RPS6KC1: variants seen among roughly 807,000 people sequenced by gnomAD.
The protein encoded by RPS6KC1 is ribosomal protein S6 kinase C1, also known as inactive ribosomal protein S6 kinase delta-1.
In RPS6KC1, 54 loss-of-function variants were observed where a neutral mutation model predicts 103.8. That is an observed-to-expected ratio of 0.52 (90% CI 0.42 to 0.65). The LOEUF (loss-of-function observed/expected upper bound fraction) is 0.65. RPS6KC1 is among the 30% of genes least tolerant of loss of function. The probability of loss-of-function intolerance (pLI) is 0.00; values close to 1 mark genes in which losing one functional copy is unlikely to be tolerated. For synonymous variants in RPS6KC1, 439 were observed against 438.7 expected (o/e 1.00, Z -0.01); for missense variants, 1,151 against 1,253.8 (o/e 0.92, Z 1.24).
At chr1:213,754,250 C>T in the RPS6KC1 span, among the ~76,000 whole-genome samples, 8 of 152,354 alleles carry the variant, frequency 5.3e-5, no homozygotes, top group South Asian at 2.1e-4. Context: ...CTTCTCTCTA[C>T]GTCCTCACAG....
the RPS6KC1 span, among the ~76,000 whole-genome samples, chr1:213,695,676 T>A: frequency 2.0e-5 from 3 of 152,266 alleles, no homozygotes; most frequent in Non-Finnish European, 2.9e-5. Flanking sequence ...TTCAATAGGC[T>A]AGACTTCCCT....
chr1:213,565,442 ACTC>A, the RPS6KC1 span, among the ~76,000 whole-genome samples: 3 of 152,204 alleles, frequency 2.0e-5, no homozygotes, highest in African/African-American at 7.2e-5. Flanking sequence ...AAAGGGATGA[ACTC>A]CTGGTACGTG....
At chr1:213,398,197 T>G in the RPS6KC1 span, among the ~76,000 whole-genome samples, 30 of 94,214 alleles carry the variant, frequency 3.2e-4, no homozygotes, top group Admixed American at 2.2e-3. Flanking sequence ...ACACCTGGCC[T>G]TTTTTTTTTT....
chr1:213,644,519 T>C, the RPS6KC1 span, among the ~76,000 whole-genome samples: 1 of 152,128 alleles, frequency 6.6e-6, no homozygotes, highest in Non-Finnish European at 1.5e-5. Context: ...CTGTGTTTTG[T>C]CTATTCATCC....
At chr1:213,142,877 T>C (rs59003653) in intron 6 of RPS6KC1, among the ~76,000 whole-genome samples, 4 of 152,240 alleles carry the variant, frequency 2.6e-5, no homozygotes, top group African/African-American at 9.6e-5. Context: ...GTAATTATTA[T>C]ATGCACCGGG....
intron 5 of RPS6KC1, 53 bp downstream of exon 5, chr1:213,117,463 TA>T: frequency 9.9e-7 from 1 of 1,013,558 alleles, no homozygotes; most frequent in Non-Finnish European, 1.5e-6. Flanking sequence ...CAGAAGACTA[TA>T]AATCATATCT....
intron 3 of RPS6KC1, among the ~76,000 whole-genome samples, chr1:213,097,195 A>G (rs1266010143): frequency 6.6e-6 from 1 of 152,168 alleles, no homozygotes; most frequent in Non-Finnish European, 1.5e-5. Flanking sequence ...CTCTACTAGA[A>G]ATACAAAAGT....
At chr1:213,407,354 G>C in the RPS6KC1 span, among the ~76,000 whole-genome samples, 2 of 152,074 alleles carry the variant, frequency 1.3e-5, no homozygotes, top group African/African-American at 4.8e-5. Context: ...TGGATTAAAG[G>C]GGCCCTAGAT....
chr1:213,524,241 C>T, the RPS6KC1 span, among the ~76,000 whole-genome samples: 1 of 152,110 alleles, frequency 6.6e-6, no homozygotes, highest in Non-Finnish European at 1.5e-5. Context: ...GCTGCCAGAC[C>T]TGGGAAAAAA....
the RPS6KC1 span, among the ~76,000 whole-genome samples, chr1:213,540,814 A>G: frequency 0.045 from 6,907 of 152,248 alleles, 512 homozygotes; most frequent in African/African-American, 0.16. Context: ...TCACTGCTTT[A>G]TCAACTTATT....
rs11811908 is a variant in RPS6KC1 at position 213,172,967 on chromosome 1, C to T, written c.952-3433C>T. On this transcript the variant is annotated intron_variant, in intron 7 of 14. Transcript: ENST00000366960. ...TTGCTTCTCCCGTCGCGCTTCATAGCGCAATGGGCCAAGTTTCCCCTAACA... is the reference window on the plus strand; with the variant it reads ...TTGCTTCTCCCGTCGCGCTTCATAGTGCAATGGGCCAAGTTTCCCCTAACA... Among the ~76,000 whole-genome samples, 675 of 152,298 alleles carry T rather than the reference C, an allele frequency of 4.4e-3. 4 individuals are homozygous for T. The highest frequency in any genetic ancestry group is 0.015 in the African/African-American group (638 of 41,562).
intron 1 of RPS6KC1, among the ~76,000 whole-genome samples, chr1:213,055,472 A>C (rs1033260462): frequency 1.3e-5 from 2 of 151,934 alleles, no homozygotes; most frequent in African/African-American, 4.8e-5. Flanking sequence ...ATTTTATCTG[A>C]TGGATATTTG....
chr1:213,137,799 ATTTTTTTTTTTT>A (rs869154560), intron 6 of RPS6KC1, among the ~76,000 whole-genome samples: 327 of 13,980 alleles, frequency 0.023, 4 homozygotes, highest in African/African-American at 0.054. Context: ...ATATATATAT[ATTTTTTTTTTTT>A]TTTTTTTTTT....
At chr1:213,136,838 T>C (rs567978522) in intron 6 of RPS6KC1, among the ~76,000 whole-genome samples, 2 of 152,326 alleles carry the variant, frequency 1.3e-5, no homozygotes, top group African/African-American at 2.4e-5. Context: ...TCTTTAACAG[T>C]GTTGAGTGCA....
chr1:213,271,103 A>G (rs192606140), intron 14 of RPS6KC1, among the ~76,000 whole-genome samples: 219 of 152,364 alleles, frequency 1.4e-3, no homozygotes, highest in African/African-American at 5.0e-3. Context: ...AAATGAAAAT[A>G]TATGTCTACA....
At chr1:213,329,956 G>T in the RPS6KC1 span, among the ~76,000 whole-genome samples, 1 of 152,188 alleles carries the variant, frequency 6.6e-6, no homozygotes, top group South Asian at 2.1e-4. Flanking sequence ...AACCTGAAGT[G>T]AGAAGGGTTC....
At chr1:213,553,828 C>A in the RPS6KC1 span, among the ~76,000 whole-genome samples, 3 of 152,136 alleles carry the variant, frequency 2.0e-5, no homozygotes, top group African/African-American at 7.2e-5. Flanking sequence ...TGTATAACTT[C>A]TTTTGGAAAG....
chr1:213,401,184 T>C, the RPS6KC1 span, among the ~76,000 whole-genome samples: 1 of 152,140 alleles, frequency 6.6e-6, no homozygotes, highest in Non-Finnish European at 1.5e-5. Flanking sequence ...TGGGTATTTA[T>C]TGAGCATCCA....
chr1:213,412,096 A>G, the RPS6KC1 span, among the ~76,000 whole-genome samples: 1 of 152,236 alleles, frequency 6.6e-6, no homozygotes, highest in African/African-American at 2.4e-5. Flanking sequence ...CTGGGTGGGC[A>G]GAGGGTGGAC....
Sources: allele counts gnomAD v4.1 joint callset (sites outside exome capture counted in the v4.1 genomes callset), GRCh38; gene constraint gnomAD v4.1.1; transcripts MANE v1.5; gene names NCBI Gene and HGNC (gene_info 2026-07-23, HGNC 2026-07-21).